Variants in HIVEP3 observed in about 807,000 individuals in gnomAD.
The protein encoded by HIVEP3 is HIVEP zinc finger 3, also known as transcription factor HIVEP3.
A neutral mutation model predicts 152.8 loss-of-function variants in HIVEP3; 49 were observed. The ratio of observed to expected loss-of-function variants is 0.32; its 90% confidence interval spans 0.26 to 0.41. The LOEUF is 0.41. HIVEP3 is among the 10% of genes least tolerant of loss of function. The pLI, the probability that HIVEP3 is intolerant of heterozygous loss-of-function variation, is 1.00. For synonymous variants in HIVEP3, 1,269 were observed against 1,289.0 expected (o/e 0.98, Z 0.33); for missense variants, 2,790 against 3,103.3 (o/e 0.90, Z 2.40).
chr1:41,631,377 G>A (rs1645191545), intron 2 of HIVEP3, among the ~76,000 whole-genome samples: 1 of 152,154 alleles, frequency 6.6e-6, no homozygotes, highest in Non-Finnish European at 1.5e-5. Flanking sequence ...CATGGAAAAA[G>A]GTTGGAACAA....
intron 4 of HIVEP3, among the ~76,000 whole-genome samples, chr1:41,576,395 AG>A (rs1333884282): frequency 6.6e-6 from 1 of 152,214 alleles, no homozygotes; most frequent in Non-Finnish European, 1.5e-5. Flanking sequence ...AGCTAGCTTA[AG>A]GGGAGAGCTG....
intron 3 of HIVEP3, among the ~76,000 whole-genome samples, chr1:41,608,204 C>A (rs1644848593): frequency 6.6e-6 from 1 of 152,196 alleles, no homozygotes; most frequent in African/African-American, 2.4e-5. Context: ...AGGTTCCCTG[C>A]AGGAGGGTGA....
intron 1 of HIVEP3, among the ~76,000 whole-genome samples, chr1:41,880,856 A>G (rs1310448326): frequency 6.6e-6 from 1 of 152,172 alleles, no homozygotes; most frequent in Admixed American, 6.5e-5. Context: ...AGGCTTCAAA[A>G]GGTTGCGAAA....
At chr1:41,518,163 G>A (rs1484379938) in intron 7 of HIVEP3, among the ~76,000 whole-genome samples, 1 of 152,202 alleles carries the variant, frequency 6.6e-6, no homozygotes, top group African/African-American at 2.4e-5. Context: ...ATGCATGATA[G>A]CTAGGGCTGC....
At chr1:41,701,106 G>GC (rs1168718355) in intron 1 of HIVEP3, 111 bp from the exon 2 acceptor site, 1 of 297,526 alleles carries the variant, frequency 3.4e-6, no homozygotes, top group Admixed American at 6.5e-5. Context: ...TGAAAGCAAA[G>GC]CCCCGGCCAC....
At chr1:41,578,654 T>C (rs1394011850) in intron 4 of HIVEP3, among the ~76,000 whole-genome samples, 1 of 152,242 alleles carries the variant, frequency 6.6e-6, no homozygotes, top group African/African-American at 2.4e-5. Flanking sequence ...AGTCAACTTT[T>C]AAGATTTTCT....
intron 2 of HIVEP3, among the ~76,000 whole-genome samples, chr1:41,670,828 C>T (rs990625633): frequency 1.3e-5 from 2 of 152,146 alleles, no homozygotes; most frequent in South Asian, 4.1e-4. Context: ...GGCCCTGCGT[C>T]GGGCATATTA....
chr1:41,513,900 A>G (rs1049402291), intron 7 of HIVEP3, 150 bp from the exon 8 acceptor site: 4 of 591,756 alleles, frequency 6.8e-6, no homozygotes, highest in African/African-American at 5.7e-5. Context: ...CAACCAAGAA[A>G]CGTAACAGAT....
chr1:41,940,173 T>C (rs926691377), intron 1 of HIVEP3, among the ~76,000 whole-genome samples: 3 of 152,258 alleles, frequency 2.0e-5, no homozygotes, highest in Non-Finnish European at 2.9e-5. Context: ...TACCCTGACA[T>C]TCTCTGCCTC....
At chr1:41,754,629 G>A (rs1188461384) in intron 1 of HIVEP3, among the ~76,000 whole-genome samples, 2 of 152,130 alleles carry the variant, frequency 1.3e-5, no homozygotes, top group Non-Finnish European at 2.9e-5. Context: ...GAGGGAAAAA[G>A]GAGTCAGCAG....
In HIVEP3 at chr1:41,969,411, T is replaced by C. The variant is rs1328568924; in HGVS notation, n.120-50887A>G. ...GAACTCAGAAATAAGACCACACACC[T>C]ACAACCATCTGATCTTTGACAAACC... On this transcript the variant is annotated intron_variant and non_coding_transcript_variant, in intron 1 of 3. Coordinates refer to the HIVEP3 transcript ENST00000489103. 2.6e-5 allele frequency among the ~76,000 whole-genome samples: 4 copies of C among 152,138 alleles called. No homozygotes were observed. In the East Asian group the frequency reaches 7.7e-4, roughly 29 times the overall value.
At chr1:41,571,569 C>T (rs1644252138) in intron 5 of HIVEP3, among the ~76,000 whole-genome samples, 1 of 152,162 alleles carries the variant, frequency 6.6e-6, no homozygotes, top group Non-Finnish European at 1.5e-5. Context: ...CAAAGCATTA[C>T]CCCAGGACCC....
At chr1:41,795,856 T>G (rs1649953456) in intron 1 of HIVEP3, among the ~76,000 whole-genome samples, 1 of 152,246 alleles carries the variant, frequency 6.6e-6, no homozygotes, top group Non-Finnish European at 1.5e-5. Flanking sequence ...TTTCTGGAAC[T>G]ACAAAATGTT....
chr1:41,780,252 G>A (rs996657409), intron 1 of HIVEP3, among the ~76,000 whole-genome samples: 2 of 150,888 alleles, frequency 1.3e-5, no homozygotes, highest in East Asian at 3.9e-4. Context: ...TGGGCCAGTC[G>A]TGGGATTTGT....
Position 41,507,976 on chromosome 1 carries a change from G to A in HIVEP3, c.*2475C>T, listed in dbSNP as rs1234076695. ...GACTCCTGGCCCCTGTGGCTTCTCT[G>A]CCTGAGCCTGACGGGCCCGGTGACT... On this transcript the variant is annotated 3_prime_UTR_variant, in exon 9 of 9. Transcript: ENST00000372583. 2 of 152,342 alleles carry A rather than the reference G, an allele frequency of 1.3e-5. No individual in the cohort carries two copies. Among genetic ancestry groups the A allele is most frequent in the African/African-American group, 4.8e-5 (2 of 41,448 alleles). 9.4% of individuals were successfully genotyped at this position (152,342 alleles called of 1,614,324 possible). A position where few individuals can be genotyped will look rare whatever the true frequency, so the allele number is the denominator to read the frequency against.
intron 1 of HIVEP3, among the ~76,000 whole-genome samples, chr1:41,996,603 G>A (rs1021705752): frequency 1.3e-5 from 2 of 152,178 alleles, no homozygotes; most frequent in Non-Finnish European, 2.9e-5. Flanking sequence ...AGCATCCTGA[G>A]AGGAAGGATG....
intron 1 of HIVEP3, among the ~76,000 whole-genome samples, chr1:42,033,074 T>C (rs1260354935): frequency 1.3e-5 from 2 of 152,122 alleles, no homozygotes; most frequent in African/African-American, 4.8e-5. Context: ...CAGAGGGATT[T>C]ATCCACTGGA....
intron 1 of HIVEP3, among the ~76,000 whole-genome samples, chr1:41,807,095 T>C (rs1391811663): frequency 2.0e-5 from 3 of 152,300 alleles, no homozygotes; most frequent in South Asian, 4.1e-4. Context: ...GTGGGAGGGA[T>C]ATCGCTCATT....
At position 41,513,231 on chromosome 1, in the gene HIVEP3, C is replaced by T; in HGVS notation, c.5990G>A (p.Cys1997Tyr). The T allele has an allele frequency of 6.2e-7, 1 of 1,613,610 alleles. No individual in the cohort carries two copies. The highest frequency in any genetic ancestry group is 8.5e-7 in the Non-Finnish European group (1 of 1,179,912). ...LTKNDSSPQR[C>Y]SPAREPQASA... is the part of the protein sequence containing the mutation. ...GGCCTGTGGTTCTCGGGCCGGGGAG[C>T]ATCGCTGGGGAGATGAGTCGTTTTT... Residue 1997 changes from cysteine (C) to tyrosine (Y), a missense_variant, in exon 8 of 9, where the codon TGC (cysteine) becomes TAC (tyrosine). By Grantham distance (194) the Cys-to-Tyr change is radical (BLOSUM62 -2). Coordinates refer to ENST00000372583, the MANE Select transcript of HIVEP3 (RefSeq NM_024503.5).
Sources: allele counts gnomAD v4.1 joint callset (sites outside exome capture counted in the v4.1 genomes callset), GRCh38; gene constraint gnomAD v4.1.1; transcripts MANE v1.5; gene names NCBI Gene and HGNC (gene_info 2026-07-23, HGNC 2026-07-21).